LYPD1: variants seen among roughly 807,000 people sequenced by gnomAD.
LYPD1 encodes ly6/PLAUR domain-containing protein 1.
In LYPD1, 14 loss-of-function variants were observed where a neutral mutation model predicts 14.2. That is an observed-to-expected ratio of 0.99 (90% CI 0.65 to 1.54). The LOEUF is 1.54. Among genes scored for constraint, LYPD1 ranks in the 40% most tolerant of loss-of-function variants. The pLI is 0.00. For missense variants in LYPD1, 165 were observed against 175.7 expected, an observed-to-expected ratio of 0.94 and a Z score of 0.34; for synonymous variants, 85 against 70.6, an observed-to-expected ratio of 1.20 and a Z score of -1.02.
rs1206629965 is a variant in LYPD1, at chr2:132,643,580, C to T, written c.*2465G>A. On this transcript the variant is annotated 3_prime_UTR_variant, in exon 3 of 3. Transcript: ENST00000397463. ...CCAGGCTGGAGTGCAGTGGCACATT[C>T]GTGTCTCACTGTAGCCTTCACCTCC... Among the ~76,000 whole-genome samples, 1 of 152,194 alleles carries T rather than the reference C, an allele frequency of 6.6e-6. No individual in the cohort carries two copies. Among genetic ancestry groups the T allele is most frequent in the Non-Finnish European group, 1.5e-5 (1 of 68,032 alleles).
In LYPD1 at chr2:132,669,276, C is replaced by G. The variant is rs1305586762; in HGVS notation, c.52+605G>C. Among the ~76,000 whole-genome samples the G allele has an allele frequency of 6.6e-6, 1 of 152,144 alleles. No homozygotes were observed. The highest frequency in any genetic ancestry group is 1.5e-5 in the Non-Finnish European group (1 of 68,022). On this transcript the variant is annotated intron_variant, in intron 1 of 2. Coordinates refer to ENST00000397463, the MANE Select transcript of LYPD1 (RefSeq NM_144586.7). The surrounding 1 kb of genome is among the most constrained non-coding windows in gnomAD (Gnocchi z 4.3). ...CAACCGTTCGACTAGGGTCAGTGGT[C>G]GGGGTTCCAGCTCTGCAGAGCTTAG...
At chr2:132,663,264 A>G (rs1683071785) in intron 2 of LYPD1, among the ~76,000 whole-genome samples, 1 of 152,132 alleles carries the variant, frequency 6.6e-6, no homozygotes, top group South Asian at 2.1e-4. Context: ...AATATGTTTT[A>G]AAGGTTTTTT....
Position 132,651,224 on chromosome 2 carries a change from C to T in LYPD1, c.191-4944G>A, listed in dbSNP as rs992803532. On this transcript the variant is annotated intron_variant, in intron 2 of 2. Transcript: ENST00000397463. ...TTTTAAAATGACGTAAATAAACACC[C>T]GCAGTCAACCATCCTCAAATGGCTT... Among the ~76,000 whole-genome samples, 6 of 152,104 alleles carry T rather than the reference C, an allele frequency of 3.9e-5. No homozygotes were observed. In the East Asian group the frequency reaches 7.7e-4, roughly 20 times the overall value.
chr2:132,670,835 CTG>C (rs1683668548), upstream of LYPD1, among the ~76,000 whole-genome samples: 1 of 152,142 alleles, frequency 6.6e-6, no homozygotes, highest in Non-Finnish European at 1.5e-5. The surrounding 1 kb of genome is among the most constrained non-coding windows in gnomAD (Gnocchi z 4.5). Context: ...ACTGCCTTAA[CTG>C]TCTCACTTGC....
chr2:132,655,758 C>T (rs1458607339), intron 2 of LYPD1, among the ~76,000 whole-genome samples: 1 of 152,042 alleles, frequency 6.6e-6, no homozygotes, highest in Non-Finnish European at 1.5e-5. Context: ...TCGTGATCCG[C>T]CCACCTCAGC....
intron 2 of LYPD1, among the ~76,000 whole-genome samples, chr2:132,666,180 ATAC>A (rs1340347751): frequency 6.6e-6 from 1 of 152,230 alleles, no homozygotes; most frequent in Non-Finnish European, 1.5e-5. Context: ...TATGATGATT[ATAC>A]TACAACTGTG....
chr2:132,671,083 C>T (rs1683688785), upstream of LYPD1: 1 of 152,544 alleles, frequency 6.6e-6, no homozygotes, highest in East Asian at 1.9e-4. Flanking sequence ...CTCCCACGTC[C>T]TCTCCTGAAA....
chr2:132,671,172 G>C (rs993756532), upstream of LYPD1: 11 of 152,432 alleles, frequency 7.2e-5, no homozygotes, highest in African/African-American at 2.6e-4. Context: ...AAGTCCAAGT[G>C]ACCCACCTTG....
chr2:132,666,130 C>G (rs991588374), intron 2 of LYPD1, among the ~76,000 whole-genome samples: 3 of 152,204 alleles, frequency 2.0e-5, no homozygotes, highest in Admixed American at 1.3e-4. Context: ...AGAAAAGAGT[C>G]AGATGCCTTG....
chr2:132,644,792 A>G lies in LYPD1; in HGVS notation c.*1253T>C, dbSNP rs1384895868. 6.2e-6 allele frequency: 2 copies of G among 324,588 alleles called. No individual in the cohort carries two copies. Among genetic ancestry groups the G allele is most frequent in the Non-Finnish European group, 1.1e-5 (2 of 178,550 alleles). The allele number at this position is 324,588 out of a possible 1,614,324, so 20.1% of individuals were successfully genotyped here. ...GGATAACATGAACTGCTTTCTGGAT[A>G]CGCAAACAAACACCAATGAAAACAT... is the stretch of plus-strand genomic sequence containing the variant. On this transcript the variant is annotated 3_prime_UTR_variant, in exon 3 of 3. Coordinates refer to ENST00000397463, the MANE Select transcript of LYPD1 (RefSeq NM_144586.7).
rs1266882874 is a variant in LYPD1 at position 132,648,912 on chromosome 2, A to AT, written c.191-2633dup. 3.9e-5 allele frequency among the ~76,000 whole-genome samples: 6 copies of AT among 152,246 alleles called. No homozygotes were observed. In the East Asian group the frequency reaches 1.2e-3, roughly 29 times the overall value. On this transcript the variant is annotated intron_variant, in intron 2 of 2. Transcript: ENST00000397463. ...TCCAGGCCAGGCACCCTGAGGAGGC[A>AT]TGAGGGTCATGAGGCTCAGGGTAGC...
At chr2:132,666,551 A>T (rs1683284903) in intron 2 of LYPD1, 1 of 152,194 alleles carries the variant, frequency 6.6e-6, no homozygotes, top group African/African-American at 2.4e-5. Flanking sequence ...TTTGGAGACA[A>T]GGTACCTACC....
chr2:132,646,872 A>C (rs1411413179), intron 2 of LYPD1, among the ~76,000 whole-genome samples: 1 of 152,192 alleles, frequency 6.6e-6, no homozygotes, highest in African/African-American at 2.4e-5. Flanking sequence ...TATTCTAAGG[A>C]GAAACGCTCT....
rs1682205159 is a variant in LYPD1, at chr2:132,648,160, GGAAATCATTC to G, written c.191-1890_191-1881del. Among the ~76,000 whole-genome samples, 3 of 152,096 alleles carry G rather than the reference GGAAATCATTC, an allele frequency of 2.0e-5. No homozygotes were observed. The South Asian group carries it at 6.2e-4, about 31-fold the overall frequency. On this transcript the variant is annotated intron_variant, in intron 2 of 2. Transcript: ENST00000397463. The stretch of plus-strand genomic sequence containing the variant: ...CATTTGCCATCCATGGCCCTTTTTA[GGAAATCATTC>G]TACTCTTTTTATTCCTAAGTATGAA...
chr2:132,654,094 T>C (rs1213596461), intron 2 of LYPD1, among the ~76,000 whole-genome samples: 2 of 152,212 alleles, frequency 1.3e-5, no homozygotes, highest in African/African-American at 4.8e-5. Context: ...ACTGTGCCAA[T>C]GTTAATTTCC....
chr2:132,656,928 A>C (rs1682630537), intron 2 of LYPD1, among the ~76,000 whole-genome samples: 1 of 152,162 alleles, frequency 6.6e-6, no homozygotes, highest in Admixed American at 6.5e-5. Context: ...ATTGAGAATA[A>C]TATTAAGGGG....
chr2:132,646,886 G>A (rs1218610937), intron 2 of LYPD1, among the ~76,000 whole-genome samples: 1 of 152,136 alleles, frequency 6.6e-6, no homozygotes, highest in Non-Finnish European at 1.5e-5. Flanking sequence ...ACGCTCTGTC[G>A]TCAGGACACA....
At chr2:132,654,412 A>T (rs1450371770) in intron 2 of LYPD1, among the ~76,000 whole-genome samples, 1 of 152,064 alleles carries the variant, frequency 6.6e-6, no homozygotes, top group Admixed American at 6.6e-5. Flanking sequence ...AAAAAAAAAA[A>T]AAAATTGGTA....
intron 2 of LYPD1, chr2:132,666,904 C>T (rs1202261648): frequency 2.0e-5 from 3 of 152,138 alleles, no homozygotes; most frequent in Non-Finnish European, 4.4e-5. Context: ...AACGTGTCCA[C>T]GGCACATTCT....
Sources: allele counts gnomAD v4.1 joint callset (sites outside exome capture counted in the v4.1 genomes callset), GRCh38; gene constraint gnomAD v4.1.1; non-coding constraint Gnocchi (gnomAD v3.1); transcripts MANE v1.5; gene names NCBI Gene and HGNC (gene_info 2026-07-23, HGNC 2026-07-21).